KLHL1: variants seen among roughly 807,000 people sequenced by gnomAD.
KLHL1 encodes the protein kelch like family member 1.
Under a neutral mutation model 77.7 loss-of-function variants are expected in KLHL1, and 47 were observed. The ratio of observed to expected loss-of-function variants is 0.60; its 90% confidence interval spans 0.48 to 0.77. The LOEUF (loss-of-function observed/expected upper bound fraction) is 0.77. KLHL1 is among the 30% of genes least tolerant of loss of function. The pLI, the probability that KLHL1 is intolerant of heterozygous loss-of-function variation, is 0.00. For missense variants in KLHL1, 925 were observed against 910.8 expected, an observed-to-expected ratio of 1.02 and a Z score of -0.20; for synonymous variants, 360 against 325.2, an observed-to-expected ratio of 1.11 and a Z score of -1.15.
intron 5 of KLHL1, among the ~76,000 whole-genome samples, chr13:69,847,805 G>C (rs912299216): frequency 1.8e-4 from 27 of 151,418 alleles, no homozygotes; most frequent in Non-Finnish European, 3.0e-5. Flanking sequence ...ACAGTCCTTA[G>C]AGAATAAATG....
chr13:69,834,728 A>G (rs1432614330), intron 6 of KLHL1, among the ~76,000 whole-genome samples: 2 of 152,114 alleles, frequency 1.3e-5, no homozygotes, highest in Non-Finnish European at 2.9e-5. Flanking sequence ...CAAGTTGTCT[A>G]TCATTTGAAG....
intron 1 of KLHL1, among the ~76,000 whole-genome samples, chr13:70,092,381 G>A (rs143120658): frequency 1.6e-4 from 24 of 152,086 alleles, no homozygotes; most frequent in African/African-American, 5.8e-4. Flanking sequence ...CATTTAGAAC[G>A]TTTGATTCAC....
intron 1 of KLHL1, among the ~76,000 whole-genome samples, chr13:70,006,458 T>C (rs1231900299): frequency 2.6e-5 from 4 of 151,674 alleles, no homozygotes; most frequent in African/African-American, 7.3e-5. Context: ...GCTTTGACTT[T>C]AGATTTTGCT....
chr13:70,042,656 T>A (rs1224349998), intron 1 of KLHL1, among the ~76,000 whole-genome samples: 1 of 152,234 alleles, frequency 6.6e-6, no homozygotes, highest in Non-Finnish European at 1.5e-5. Context: ...TTATAATCAA[T>A]GACTATGTCA....
chr13:69,874,945 A>T (rs956837029), intron 5 of KLHL1, among the ~76,000 whole-genome samples: 5 of 152,090 alleles, frequency 3.3e-5, no homozygotes, highest in Non-Finnish European at 7.4e-5. Context: ...TTTCAGAAGA[A>T]ATTTAGGACT....
intron 6 of KLHL1, among the ~76,000 whole-genome samples, chr13:69,823,917 T>G (rs1051330288): frequency 2.6e-5 from 4 of 152,022 alleles, no homozygotes; most frequent in African/African-American, 9.7e-5. Flanking sequence ...TCCATTTGGG[T>G]ATTTATTCAT....
chr13:69,849,750 T>G (rs1879611117), intron 5 of KLHL1, among the ~76,000 whole-genome samples: 1 of 151,458 alleles, frequency 6.6e-6, no homozygotes, highest in South Asian at 2.1e-4. Flanking sequence ...TGCTATTTAT[T>G]GTTGGTACCA....
At chr13:70,086,291 A>AAG (rs1379429446) in intron 1 of KLHL1, among the ~76,000 whole-genome samples, 3 of 151,786 alleles carry the variant, frequency 2.0e-5, no homozygotes, top group African/African-American at 7.3e-5. Context: ...CAAAAAAAAA[A>AAG]AGTAGACCTG....
At chr13:69,860,686 T>G (rs1046569125) in intron 5 of KLHL1, among the ~76,000 whole-genome samples, 5 of 151,862 alleles carry the variant, frequency 3.3e-5, no homozygotes, top group Admixed American at 1.3e-4. Context: ...AAAAATATTT[T>G]GTACATGTTT....
chr13:69,973,536 C>T (rs1414563627), intron 2 of KLHL1, among the ~76,000 whole-genome samples: 1 of 151,384 alleles, frequency 6.6e-6, no homozygotes, highest in Non-Finnish European at 1.5e-5. Flanking sequence ...ATACATTTTG[C>T]TTAAAGACAA....
At chr13:69,779,847 G>A (rs1305164548) in intron 7 of KLHL1, among the ~76,000 whole-genome samples, 1 of 151,996 alleles carries the variant, frequency 6.6e-6, no homozygotes, top group Non-Finnish European at 1.5e-5. Context: ...GAGTCTTGCT[G>A]TTGCCCAGGC....
intron 5 of KLHL1, among the ~76,000 whole-genome samples, chr13:69,845,086 T>C (rs1879408487): frequency 6.6e-6 from 1 of 151,622 alleles, no homozygotes; most frequent in African/African-American, 2.4e-5. Flanking sequence ...CCTAAGCTAT[T>C]ATGATATAAA....
chr13:69,933,185 T>C (rs1368723928), intron 4 of KLHL1, among the ~76,000 whole-genome samples: 1 of 152,020 alleles, frequency 6.6e-6, no homozygotes, highest in African/African-American at 2.4e-5. Flanking sequence ...ACTCATCAAT[T>C]ATATATAACT....
intron 9 of KLHL1, among the ~76,000 whole-genome samples, chr13:69,709,157 A>G (rs1181172283): frequency 6.6e-6 from 1 of 151,950 alleles, no homozygotes; most frequent in African/African-American, 2.4e-5. Flanking sequence ...CCCAGCACAT[A>G]AAAATTTAAT....
chr13:69,820,195 G>A (rs1878277461), intron 6 of KLHL1, among the ~76,000 whole-genome samples: 1 of 152,150 alleles, frequency 6.6e-6, no homozygotes, highest in South Asian at 2.1e-4. Flanking sequence ...CTCAAACACA[G>A]ATAGTCCTCA....
intron 5 of KLHL1, among the ~76,000 whole-genome samples, chr13:69,876,360 T>C (rs572013393): frequency 2.6e-5 from 4 of 152,188 alleles, no homozygotes; most frequent in African/African-American, 9.6e-5. Context: ...ACTTTTCCAA[T>C]GAAAAAGGTT....
In KLHL1 at chr13:70,016,451, C is replaced by G. The variant is rs144655382; in HGVS notation, c.498-40649G>C. ...CCCCGTAGGCTCGTAAGTGCCTGCT[C>G]TAGCTCCCTGGCCTCTCCCTGCTCC... is the stretch of plus-strand genomic sequence containing the variant. On this transcript the variant is annotated intron_variant, in intron 1 of 10. Coordinates refer to ENST00000377844, the MANE Select transcript of KLHL1 (RefSeq NM_020866.3). 2.1e-3 allele frequency among the ~76,000 whole-genome samples: 325 copies of G among 152,342 alleles called. 1 individual carries two copies. The highest frequency in any genetic ancestry group is 7.5e-3 in the African/African-American group (314 of 41,592).
At chr13:69,928,633 A>G (rs1179750153) in intron 4 of KLHL1, among the ~76,000 whole-genome samples, 1 of 152,224 alleles carries the variant, frequency 6.6e-6, no homozygotes, top group Non-Finnish European at 1.5e-5. Flanking sequence ...AACATAAATG[A>G]GTCTTGAGTA....
chr13:70,017,804 A>T (rs952625628), intron 1 of KLHL1, among the ~76,000 whole-genome samples: 1 of 152,248 alleles, frequency 6.6e-6, no homozygotes, highest in Non-Finnish European at 1.5e-5. Flanking sequence ...TGTAGAGCTT[A>T]AGTGAAATAT....
Sources: allele counts gnomAD v4.1 joint callset (sites outside exome capture counted in the v4.1 genomes callset), GRCh38; gene constraint gnomAD v4.1.1; transcripts MANE v1.5; gene names NCBI Gene and HGNC (gene_info 2026-07-23, HGNC 2026-07-21).